Variants in CLTRN observed in about 807,000 individuals in gnomAD.
CLTRN encodes the protein collectrin, amino acid transport regulator.
In CLTRN, 12 loss-of-function variants were observed where a neutral mutation model predicts 14.5. The ratio of observed to expected loss-of-function variants is 0.83; its 90% CI spans 0.53 to 1.34. The LOEUF (loss-of-function observed/expected upper bound fraction) is 1.34, where lower values mean the gene tolerates loss of function less well. CLTRN is among the 40% of genes most tolerant of loss of function. The pLI, the probability that CLTRN is intolerant of heterozygous loss-of-function variation, is 0.00. For synonymous variants in CLTRN, 58 were observed against 56.5 expected (o/e 1.03, Z -0.12); for missense variants, 154 against 165.1 (o/e 0.93, Z 0.37).
upstream of CLTRN, among the ~76,000 whole-genome samples, chrX:15,668,800 T>A (rs1378644180): frequency 8.9e-6 from 1 of 112,096 alleles, no homozygotes; most frequent in African/African-American, 3.2e-5. Flanking sequence ...AATTTTTCAT[T>A]CCTTACATTA....
upstream of CLTRN, among the ~76,000 whole-genome samples, chrX:15,668,231 C>A (rs1601740968): frequency 1.8e-5 from 2 of 111,796 alleles, no homozygotes; most frequent in South Asian, 7.4e-4. Context: ...TGTTTTTTCT[C>A]ACTGCAGTGG....
chrX:15,632,087 GCTC>G (rs1928707074), intron 5 of CLTRN, among the ~76,000 whole-genome samples: 1 of 111,580 alleles, frequency 9.0e-6, no homozygotes, highest in African/African-American at 3.3e-5. Flanking sequence ...CCTGGAACGA[GCTC>G]CTAGAAGCCT....
rs776725863 is a variant in CLTRN at position 15,655,414 on chromosome X, T to A, written c.203+3602A>T. ...CTCTGCACTGCATCTTCCCCTGACA[T>A]GGGTGACACGCTGACTGATTTCCTC... On this transcript the variant is annotated intron_variant, in intron 3 of 5. Coordinates refer to ENST00000380342, the MANE Select transcript of CLTRN (RefSeq NM_020665.6). 5.7e-4 allele frequency among the ~76,000 whole-genome samples: 64 copies of A among 111,491 alleles called. No individual in the cohort carries two copies. The East Asian group carries it at 0.016, about 28-fold the overall frequency.
intron 5 of CLTRN, 125 bp downstream of exon 5, chrX:15,639,437 C>T (rs2147199069): frequency 1.7e-6 from 1 of 598,703 alleles, no homozygotes; most frequent in Non-Finnish European, 2.6e-6. Flanking sequence ...TTGAAAATCA[C>T]CAATTTTTTC....
chrX:15,673,219 C>T (rs926956336), intron 1 of CLTRN, among the ~76,000 whole-genome samples: 2 of 112,662 alleles, frequency 1.8e-5, no homozygotes, highest in Non-Finnish European at 3.7e-5. Context: ...TTTATGAACA[C>T]CGTAAAACTT....
intron 1 of CLTRN, chrX:15,674,888 G>T (rs1405768566): frequency 8.8e-6 from 1 of 113,811 alleles, no homozygotes; most frequent in Non-Finnish European, 1.9e-5. Flanking sequence ...GGATGCGAGT[G>T]GCCAATGAGG....
upstream of CLTRN, chrX:15,664,885 G>A (rs180868712): frequency 1.3e-3 from 800 of 637,646 alleles, 4 homozygotes; most frequent in African/African-American, 0.016. Context: ...AGAAACAAGC[G>A]AGCCACCACC....
intron 1 of CLTRN, among the ~76,000 whole-genome samples, chrX:15,672,150 G>C (rs1483823141): frequency 1.8e-5 from 2 of 111,619 alleles, no homozygotes; most frequent in Non-Finnish European, 3.8e-5. Flanking sequence ...GTGTAATTCT[G>C]CCAACTTTAT....
intron 5 of CLTRN, among the ~76,000 whole-genome samples, chrX:15,632,300 G>C (rs936281690): frequency 3.6e-5 from 4 of 112,527 alleles, no homozygotes; most frequent in Non-Finnish European, 5.6e-5. Context: ...GCTGACTGCC[G>C]GGCGTGGTGG....
At position 15,664,317 on chromosome X, in the gene CLTRN, C is replaced by T. The variant is rs1366186709; in HGVS notation, c.117+20G>A. ...ATTAGCAAACAAAATTTAAAAAGAACACTCAGGTGCTCCACTTACTGCTTT... is the reference window on the plus strand; with the variant it reads ...ATTAGCAAACAAAATTTAAAAAGAATACTCAGGTGCTCCACTTACTGCTTT... On this transcript the variant is annotated intron_variant, in intron 2 of 5. Transcript: ENST00000380342. 1 of 1,165,014 alleles carries T rather than the reference C, an allele frequency of 8.6e-7. No homozygotes were observed. Among genetic ancestry groups the T allele is most frequent in the Non-Finnish European group, 1.2e-6 (1 of 864,798 alleles).
At chrX:15,644,045 G>A (rs1929001198) in intron 4 of CLTRN, among the ~76,000 whole-genome samples, 1 of 111,925 alleles carries the variant, frequency 8.9e-6, no homozygotes, top group Non-Finnish European at 1.9e-5. Flanking sequence ...AATACAAGTT[G>A]CATCCTCCTA....
chrX:15,664,467 T>G (rs996898166), intron 1 of CLTRN, 72 bp from the exon 2 acceptor site: 170 of 892,910 alleles, frequency 1.9e-4, no homozygotes, highest in Non-Finnish European at 2.6e-4. Flanking sequence ...TGAAAAATCC[T>G]AATATGTAAT....
chrX:15,665,677 T>C (rs1385260418), upstream of CLTRN, among the ~76,000 whole-genome samples: 4 of 112,385 alleles, frequency 3.6e-5, no homozygotes, highest in African/African-American at 1.3e-4. Context: ...AATGGAATTT[T>C]TGTTTAATTT....
chrX:15,630,199 T>C (rs1928657314), intron 5 of CLTRN, among the ~76,000 whole-genome samples: 1 of 111,554 alleles, frequency 9.0e-6, no homozygotes, highest in Admixed American at 9.6e-5. Flanking sequence ...AGATGATATA[T>C]TAATGGCTGG....
chrX:15,672,817 T>C (rs1276911916), intron 1 of CLTRN, among the ~76,000 whole-genome samples: 1 of 112,125 alleles, frequency 8.9e-6, no homozygotes, highest in Non-Finnish European at 1.9e-5. Context: ...ACTTTTTCCT[T>C]CTGTGCATGG....
At chrX:15,641,446 A>G (rs1338471248) in intron 4 of CLTRN, among the ~76,000 whole-genome samples, 1 of 112,149 alleles carries the variant, frequency 8.9e-6, no homozygotes, top group Admixed American at 9.5e-5. Context: ...TTTTTGTCCA[A>G]TATATCCAAG....
intron 1 of CLTRN, among the ~76,000 whole-genome samples, 153 bp downstream of exon 1, chrX:15,664,565 A>C (rs1929579738): frequency 8.9e-6 from 1 of 112,396 alleles, no homozygotes; most frequent in Non-Finnish European, 1.9e-5. Context: ...AGATGGTTTA[A>C]TATTTTCTTT....
upstream of CLTRN, among the ~76,000 whole-genome samples, chrX:15,667,989 C>G (rs1328392977): frequency 8.9e-6 from 1 of 112,136 alleles, no homozygotes; most frequent in Non-Finnish European, 1.9e-5. Context: ...AGCCATTCAT[C>G]TGAAAAGGGA....
intron 3 of CLTRN, chrX:15,646,214 C>A (rs2147203125): frequency 4.4e-6 from 1 of 229,510 alleles, no homozygotes; most frequent in Non-Finnish European, 8.3e-6. Context: ...TGGCCGTGGC[C>A]TCCTGCCCCA....
Sources: gnomAD v4.1 joint callset for allele counts (sites outside exome capture counted in the v4.1 genomes callset) on GRCh38, gnomAD v4.1.1 for gene constraint, MANE v1.5 for transcripts, NCBI Gene and HGNC (gene_info 2026-07-23, HGNC 2026-07-21) for gene names.